Variants in TXNDC11 observed in about 807,000 individuals in gnomAD.
The protein encoded by TXNDC11 is thioredoxin domain containing 11, also known as thioredoxin domain-containing protein 11.
In TXNDC11, 68 loss-of-function variants were observed where a neutral mutation model predicts 78.0. The observed-to-expected ratio is 0.87, with a 90% confidence interval of 0.72 to 1.07. TXNDC11 has a LOEUF of 1.07. Among genes scored for constraint, TXNDC11 ranks in the 50% least tolerant of loss-of-function variants. The pLI is 0.00. For missense variants in TXNDC11, 1,389 were observed against 1,221.8 expected (o/e 1.14, Z -2.04); for synonymous variants, 571 against 495.2 (o/e 1.15, Z -2.03).
intron 10 of TXNDC11, among the ~76,000 whole-genome samples, chr16:11,685,383 C>A (rs994807196): frequency 1.3e-5 from 2 of 151,592 alleles, no homozygotes; most frequent in Non-Finnish European, 2.9e-5. Flanking sequence ...TGGTGGCTCA[C>A]GTCTGTAATC....
At position 11,691,091 on chromosome 16, in the gene TXNDC11, G is replaced by A. The variant is rs2050700860; in HGVS notation, c.1900+199C>T. On this transcript the variant is annotated intron_variant, in intron 8 of 11. Coordinates refer to ENST00000283033, the MANE Select transcript of TXNDC11 (RefSeq NM_015914.7). ...ATGACAAACTTATCCAAAATTCAGA[G>A]TGAGGAAGTTTCTGTTCCATTTAAT... 18 of 575,450 alleles carry A rather than the reference G, an allele frequency of 3.1e-5. No homozygotes were observed. In the South Asian group the frequency reaches 4.1e-4, roughly 13 times the overall value. The allele number at this position is 575,450 out of a possible 1,614,324, so 35.6% of individuals were successfully genotyped here. A position where few individuals can be genotyped will look rare whatever the true frequency, so the allele number is the denominator to read the frequency against.
At chr16:11,725,189 TTA>T (rs759226822) in intron 4 of TXNDC11, among the ~76,000 whole-genome samples, 16 of 152,164 alleles carry the variant, frequency 1.1e-4, no homozygotes, top group Non-Finnish European at 2.1e-4. Context: ...GGGTAGAAAA[TTA>T]TAGACCATAC....
At chr16:11,739,684 T>C (rs2052335321) in intron 1 of TXNDC11, among the ~76,000 whole-genome samples, 1 of 152,082 alleles carries the variant, frequency 6.6e-6, no homozygotes, top group Non-Finnish European at 1.5e-5. Flanking sequence ...AGACAATTTT[T>C]TTTCCCTCTA....
At chr16:11,742,245 G>A in intron 1 of TXNDC11, 2 of 435,954 alleles carry the variant, frequency 4.6e-6, no homozygotes, top group Non-Finnish European at 8.1e-6. Context: ...CACTAAAGCG[G>A]GACGATAGGG....
intron 5 of TXNDC11, among the ~76,000 whole-genome samples, chr16:11,717,754 G>C (rs1050438313): frequency 1.3e-5 from 2 of 151,820 alleles, no homozygotes; most frequent in African/African-American, 4.8e-5. Context: ...CTCGGAGGCA[G>C]AGGTTGCAGT....
chr16:11,699,932 A>G (rs767154168), intron 6 of TXNDC11, among the ~76,000 whole-genome samples: 9 of 152,240 alleles, frequency 5.9e-5, no homozygotes, highest in Non-Finnish European at 7.3e-5. Context: ...CAGAAAGCAA[A>G]TGAAATCGGG....
intron 2 of TXNDC11, among the ~76,000 whole-genome samples, chr16:11,734,555 T>C (rs773355746): frequency 2.0e-5 from 3 of 152,132 alleles, no homozygotes; most frequent in African/African-American, 4.8e-5. Context: ...CCTTGCAAAG[T>C]GGTTGAGAAT....
intron 5 of TXNDC11, among the ~76,000 whole-genome samples, chr16:11,701,454 T>C (rs992225616): frequency 1.3e-5 from 2 of 152,152 alleles, no homozygotes; most frequent in African/African-American, 4.8e-5. Flanking sequence ...CTCTTCTGAC[T>C]GTAATTTCTG....
chr16:11,729,219 G>A (rs1567345009), intron 4 of TXNDC11, among the ~76,000 whole-genome samples: 4 of 152,250 alleles, frequency 2.6e-5, no homozygotes, highest in African/African-American at 9.6e-5. Flanking sequence ...TGAGTAACCC[G>A]CCCCAAATCA....
At chr16:11,717,036 A>G (rs1484705513) in intron 5 of TXNDC11, among the ~76,000 whole-genome samples, 2 of 151,950 alleles carry the variant, frequency 1.3e-5, no homozygotes, top group Non-Finnish European at 2.9e-5. Context: ...AAAGCCAGGG[A>G]GCATAAAGTG....
At chr16:11,740,984 T>C (rs1290083368) in intron 1 of TXNDC11, among the ~76,000 whole-genome samples, 1 of 147,510 alleles carries the variant, frequency 6.8e-6, no homozygotes, top group Non-Finnish European at 1.5e-5. Flanking sequence ...TTACATCTTG[T>C]GGGGTGTGCT....
At chr16:11,710,944 G>A (rs185754895) in intron 5 of TXNDC11, among the ~76,000 whole-genome samples, 18 of 152,194 alleles carry the variant, frequency 1.2e-4, no homozygotes, top group Admixed American at 6.5e-4. Flanking sequence ...GCTGCTAAGC[G>A]GAAGACATGG....
At chr16:11,697,542 G>A (rs2050891483) in intron 7 of TXNDC11, among the ~76,000 whole-genome samples, 1 of 152,162 alleles carries the variant, frequency 6.6e-6, no homozygotes, top group South Asian at 2.1e-4. Context: ...CCCAGAGCAG[G>A]CGCACCAGAT....
chr16:11,692,065 CA>C lies in TXNDC11; in HGVS notation c.1124del (p.Leu375TrpfsTer79). 1 of 1,526,034 alleles carries C rather than the reference CA, an allele frequency of 6.6e-7. No homozygotes were observed. The highest frequency in any genetic ancestry group is 8.8e-7 in the Non-Finnish European group (1 of 1,137,982). 94.5% of individuals were successfully genotyped at this position (1,526,034 alleles called of 1,614,324 possible). A position where few individuals can be genotyped will look rare whatever the true frequency, so the allele number is the denominator to read the frequency against. On this transcript the variant is annotated frameshift_variant, in exon 8 of 12. Coordinates refer to ENST00000283033, the MANE Select transcript of TXNDC11 (RefSeq NM_015914.7). LOFTEE classifies it high-confidence loss of function. ...PLIDEITEVA[L>X]EYNNCHGDQV... ...GGTCCCCATGACAGTTGTTGTACTC[CA>C]AGGCCACTTCGGTGATCTGAAATAC...
chr16:11,681,823 G>T (rs944153422), intron 11 of TXNDC11, among the ~76,000 whole-genome samples: 3 of 152,184 alleles, frequency 2.0e-5, no homozygotes, highest in Admixed American at 1.3e-4. Context: ...TCTCCCTCAA[G>T]GCCCCACCCC....
chr16:11,692,010 G>C lies in TXNDC11; in HGVS notation c.1180C>G (p.Arg394Gly). ...TCCAGCACTGGAGCATCCACCCGCCGCAGGTGCTGAAGGAGACGCTCCACC... is the reference window on the plus strand; with the variant it reads ...TCCAGCACTGGAGCATCCACCCGCCCCAGGTGCTGAAGGAGACGCTCCACC... ...QVVERLLQHL[R>G]RVDAPVLESL... The change falls in exon 8 of 12, where the codon CGG becomes GGG. Residue 394 changes from arginine (R) to glycine (G), a missense_variant. Physicochemically the swap from Arg to Gly is moderately radical, Grantham distance 125. Coordinates refer to ENST00000283033, the MANE Select transcript of TXNDC11 (RefSeq NM_015914.7). 1 of 1,572,042 alleles carries C rather than the reference G, an allele frequency of 6.4e-7. No individual in the cohort carries two copies. Among genetic ancestry groups the C allele is most frequent in the Non-Finnish European group, 8.6e-7 (1 of 1,158,004 alleles).
At chr16:11,725,134 C>G (rs1054324941) in intron 4 of TXNDC11, among the ~76,000 whole-genome samples, 1 of 152,118 alleles carries the variant, frequency 6.6e-6, no homozygotes, top group Non-Finnish European at 1.5e-5. Context: ...CAGTTTTTAG[C>G]TACATTCATT....
intron 5 of TXNDC11, chr16:11,703,637 G>C (rs1374677282): frequency 1.4e-6 from 1 of 701,346 alleles, no homozygotes; most frequent in Non-Finnish European, 2.6e-6. Flanking sequence ...AGAAGACCTA[G>C]AAGTAATGAC....
At chr16:11,736,667 A>C (rs1253863434) in intron 1 of TXNDC11, among the ~76,000 whole-genome samples, 1 of 152,236 alleles carries the variant, frequency 6.6e-6, no homozygotes, top group African/African-American at 2.4e-5. Context: ...AGATGCTTAC[A>C]ATCAACTCAA....
Sources: gnomAD v4.1 joint callset for allele counts (sites outside exome capture counted in the v4.1 genomes callset) on GRCh38, gnomAD v4.1.1 for gene constraint, MANE v1.5 for transcripts, NCBI Gene and HGNC (gene_info 2026-07-23, HGNC 2026-07-21) for gene names.